Variants in CFAP54 observed in about 807,000 individuals in gnomAD.
The protein encoded by CFAP54 is cilia- and flagella-associated protein 54.
A neutral mutation model predicts 370.4 loss-of-function variants in CFAP54; 290 were observed. The observed-to-expected ratio is 0.78, with a 90% CI of 0.71 to 0.86. CFAP54 has a LOEUF of 0.86. Among genes scored for constraint, CFAP54 ranks in the 40% least tolerant of loss-of-function variants. The probability of loss-of-function intolerance (pLI) is 0.00; values close to 1 mark genes in which losing one functional copy is unlikely to be tolerated. For synonymous variants in CFAP54, 1,206 were observed against 1,236.5 expected (o/e 0.98, Z 0.52); for missense variants, 3,399 against 3,528.7 (o/e 0.96, Z 0.93).
chr12:96,792,272 A>G lies in CFAP54; in HGVS notation c.8680-57A>G, dbSNP rs560824440. ...TCAATATAGCCAAATAATTTGTTTC[A>G]TATATGTAACAAATTTATTACCAGT... On this transcript the variant is annotated intron_variant, in intron 62 of 67. Coordinates refer to ENST00000524981, the MANE Select transcript of CFAP54 (RefSeq NM_001306084.2). 149 of 1,371,092 alleles carry G rather than the reference A, an allele frequency of 1.1e-4. No homozygotes were observed. The African/African-American group carries it at 1.2e-3, about 11-fold the overall frequency. The allele number at this position is 1,371,092 out of a possible 1,614,324, so 84.9% of individuals were successfully genotyped here.
intron 32 of CFAP54, among the ~76,000 whole-genome samples, chr12:96,632,484 T>C (rs950445832): frequency 6.6e-6 from 1 of 152,014 alleles, no homozygotes; most frequent in African/African-American, 2.4e-5. Context: ...GGTATTCAGT[T>C]GGCCGGCACA....
intron 17 of CFAP54, among the ~76,000 whole-genome samples, chr12:96,562,927 T>C (rs1445960216): frequency 6.6e-6 from 1 of 152,162 alleles, no homozygotes; most frequent in African/African-American, 2.4e-5. Context: ...TTTGATAAAG[T>C]TTTTTCTAAT....
chr12:96,666,765 C>G (rs1463106532), intron 39 of CFAP54, among the ~76,000 whole-genome samples: 4 of 152,118 alleles, frequency 2.6e-5, no homozygotes, highest in Non-Finnish European at 5.9e-5. Context: ...TCATTCTGCC[C>G]CTGACCCCTC....
intron 48 of CFAP54, among the ~76,000 whole-genome samples, chr12:96,709,701 T>TTTTTTA (rs145639086): frequency 6.9e-6 from 1 of 144,072 alleles, no homozygotes; most frequent in African/African-American, 2.6e-5. Context: ...TTGATCATGG[T>TTTTTTA]TTATTATTAT....
chr12:96,567,266 C>T (rs1157817154), intron 19 of CFAP54, among the ~76,000 whole-genome samples: 6 of 152,004 alleles, frequency 3.9e-5, no homozygotes, highest in African/African-American at 7.3e-5. Context: ...GGGTAGGAGT[C>T]GGGTGGGGGA....
rs76019689 is a variant in CFAP54 at position 96,708,700 on chromosome 12, A to G, written c.6621A>G (p.Ala2207=). 267 of 1,612,476 alleles carry G rather than the reference A, an allele frequency of 1.7e-4. 1 individual carries two copies. The African/African-American group carries it at 2.8e-3, about 17-fold the overall frequency. The change falls in exon 48 of 68, where the codon GCA becomes GCG. Residue 2207 remains alanine, a synonymous_variant. Transcript: ENST00000524981. ...HLLNKFNFVK[A]YFFLSVAATI... is the part of the protein sequence containing the mutation. ...TAAATAAGTTTAATTTTGTTAAAGC[A>G]TACTTTTTCCTAAGTGTGGCTGCGA...
intron 65 of CFAP54, among the ~76,000 whole-genome samples, chr12:96,824,500 T>G (rs1959064990): frequency 6.6e-6 from 1 of 152,128 alleles, no homozygotes; most frequent in Non-Finnish European, 1.5e-5. Flanking sequence ...ATCTTTTATT[T>G]AGACAGAAAG....
intron 46 of CFAP54, among the ~76,000 whole-genome samples, chr12:96,701,212 C>A (rs1259379752): frequency 6.6e-6 from 1 of 151,894 alleles, no homozygotes; most frequent in African/African-American, 2.4e-5. Flanking sequence ...TAGAGAGATA[C>A]ACATAGAGAG....
At chr12:96,542,908 C>T (rs747649779) in intron 14 of CFAP54, among the ~76,000 whole-genome samples, 5 of 152,158 alleles carry the variant, frequency 3.3e-5, no homozygotes, top group East Asian at 1.9e-4. Context: ...CCTTTCAAGA[C>T]GTTTATCTTT....
intron 62 of CFAP54, among the ~76,000 whole-genome samples, chr12:96,788,279 C>T (rs1207704339): frequency 1.3e-5 from 2 of 152,136 alleles, no homozygotes; most frequent in African/African-American, 4.8e-5. Flanking sequence ...TTAGCACATA[C>T]AGGGGAGGCA....
chr12:96,676,593 T>C (rs956519106), intron 39 of CFAP54, among the ~76,000 whole-genome samples: 1 of 152,204 alleles, frequency 6.6e-6, no homozygotes, highest in African/African-American at 2.4e-5. Context: ...TCGCTCAGGC[T>C]GGAGTGCAGC....
chr12:96,729,396 C>A (rs902712409), intron 50 of CFAP54, among the ~76,000 whole-genome samples: 1 of 152,238 alleles, frequency 6.6e-6, no homozygotes, highest in Non-Finnish European at 1.5e-5. Flanking sequence ...GGGCGCCCCT[C>A]CCCCAGCCTC....
At chr12:96,829,307 T>C (rs1959161976) in intron 66 of CFAP54, among the ~76,000 whole-genome samples, 1 of 152,116 alleles carries the variant, frequency 6.6e-6, no homozygotes, top group Non-Finnish European at 1.5e-5. Flanking sequence ...ATAAAGAGGG[T>C]AATTTTTAAA....
At chr12:96,493,796 TCAAA>T (rs1472116328) in intron 1 of CFAP54, among the ~76,000 whole-genome samples, 8 of 152,198 alleles carry the variant, frequency 5.3e-5, no homozygotes, top group East Asian at 1.9e-4. Flanking sequence ...AGACTCCGTC[TCAAA>T]CAAACAAACA....
rs552595037 is a variant in CFAP54 at position 96,738,033 on chromosome 12, G to A, written c.6966-1923G>A. Among the ~76,000 whole-genome samples, 3 of 152,266 alleles carry A rather than the reference G, an allele frequency of 2.0e-5. No homozygotes were observed. In the East Asian group the frequency reaches 5.8e-4, roughly 29 times the overall value. ...ACTGTGGCTGCTGTGTGGAGACCAG[G>A]ACTGCAAGGGCAAGAGTCATGGCAG... is the stretch of plus-strand genomic sequence containing the variant. On this transcript the variant is annotated intron_variant, in intron 50 of 67. Coordinates refer to ENST00000524981, the MANE Select transcript of CFAP54 (RefSeq NM_001306084.2).
At chr12:96,850,101 G>A (rs1022317224) in intron 66 of CFAP54, among the ~76,000 whole-genome samples, 11 of 152,018 alleles carry the variant, frequency 7.2e-5, no homozygotes, top group Middle Eastern at 3.4e-3. Context: ...GAGCACAGCC[G>A]GGCACGGTGG....
intron 8 of CFAP54, among the ~76,000 whole-genome samples, chr12:96,525,831 C>A (rs1417366310): frequency 6.6e-6 from 1 of 152,200 alleles, no homozygotes; most frequent in Non-Finnish European, 1.5e-5. Flanking sequence ...ACTGGGACTA[C>A]AGGCGCGCGC....
intron 22 of CFAP54, among the ~76,000 whole-genome samples, chr12:96,582,533 C>T (rs1051364259): frequency 1.6e-4 from 24 of 152,026 alleles, no homozygotes; most frequent in African/African-American, 3.4e-4. Flanking sequence ...ATTGGTTTAG[C>T]GTGTCATACT....
In CFAP54 at chr12:96,738,757, C is replaced by A. The variant is rs535510408; in HGVS notation, c.6966-1199C>A. ...TCCCAAGTAGCTAGGACTACAGACGCGTGCCACCACGCCTGGCTAAATTTT... is the reference window on the plus strand; with the variant it reads ...TCCCAAGTAGCTAGGACTACAGACGAGTGCCACCACGCCTGGCTAAATTTT... On this transcript the variant is annotated intron_variant, in intron 50 of 67. Transcript: ENST00000524981. 2.5e-3 allele frequency among the ~76,000 whole-genome samples: 385 copies of A among 152,054 alleles called. 1 individual carries two copies. The highest frequency in any genetic ancestry group is 9.0e-3 in the African/African-American group (375 of 41,470).
Sources: allele counts gnomAD v4.1 joint callset (sites outside exome capture counted in the v4.1 genomes callset), GRCh38; gene constraint gnomAD v4.1.1; transcripts MANE v1.5; gene names NCBI Gene and HGNC (gene_info 2026-07-23, HGNC 2026-07-21).